The following LYPLAL1 variants were observed in gnomAD, a reference collection of about 807,000 sequenced individuals.
The protein encoded by LYPLAL1 is lysophospholipase-like protein 1.
A neutral mutation model predicts 19.7 loss-of-function variants in LYPLAL1; 23 were observed. That is an observed-to-expected ratio of 1.17 (90% CI 0.84 to 1.65). The LOEUF is 1.65. Among genes scored for constraint, LYPLAL1 ranks in the 40% most tolerant of loss-of-function variants. The pLI is 0.00. For synonymous variants in LYPLAL1, 119 were observed against 96.3 expected, an observed-to-expected ratio of 1.24 and a Z score of -1.38; for missense variants, 355 against 279.4, an observed-to-expected ratio of 1.27 and a Z score of -1.93.
At chr1:219,391,372 A>G in the LYPLAL1 span, among the ~76,000 whole-genome samples, 1 of 152,236 alleles carries the variant, frequency 6.6e-6, no homozygotes, top group Admixed American at 6.5e-5. Context: ...GGGGACCATC[A>G]TAAAAAGTTA....
chr1:219,257,720 G>A, the LYPLAL1 span, among the ~76,000 whole-genome samples: 1 of 151,856 alleles, frequency 6.6e-6, no homozygotes, highest in Admixed American at 6.6e-5. Flanking sequence ...TACTGATGAG[G>A]GTCTGTGTTC....
At chr1:219,175,357 G>C (rs887183693) in intron 1 of LYPLAL1, among the ~76,000 whole-genome samples, 1 of 152,138 alleles carries the variant, frequency 6.6e-6, no homozygotes, top group African/African-American at 2.4e-5. Flanking sequence ...GATGACAGCG[G>C]TACTTAATAA....
the LYPLAL1 span, among the ~76,000 whole-genome samples, chr1:219,346,460 ATTTTTTTTT>A: frequency 1.5e-5 from 2 of 136,308 alleles, no homozygotes; most frequent in Non-Finnish European, 3.2e-5. Flanking sequence ...GTCAATTTCT[ATTTTTTTTT>A]TTTTTTTTCA....
chr1:219,230,270 G>T, the LYPLAL1 span, among the ~76,000 whole-genome samples: 2 of 151,992 alleles, frequency 1.3e-5, no homozygotes, highest in East Asian at 1.9e-4. Context: ...CTGCTACCAC[G>T]CCCGGCTAAT....
intron 3 of LYPLAL1, among the ~76,000 whole-genome samples, chr1:219,209,202 T>G (rs1241390148): frequency 6.6e-6 from 1 of 152,130 alleles, no homozygotes; most frequent in African/African-American, 2.4e-5. Context: ...CTTGCTGGTA[T>G]GTTGAAAATC....
chr1:219,346,953 C>A, the LYPLAL1 span, among the ~76,000 whole-genome samples: 2 of 152,146 alleles, frequency 1.3e-5, no homozygotes, highest in Non-Finnish European at 2.9e-5. Context: ...TATTTTGTTT[C>A]TTTTATTTGA....
the LYPLAL1 span, among the ~76,000 whole-genome samples, chr1:219,226,664 A>T: frequency 2.0e-5 from 3 of 152,172 alleles, no homozygotes; most frequent in Non-Finnish European, 4.4e-5. Context: ...CAACTCTAAC[A>T]TGCATGCTGT....
At chr1:219,434,730 G>C in the LYPLAL1 span, among the ~76,000 whole-genome samples, 3 of 152,190 alleles carry the variant, frequency 2.0e-5, no homozygotes, top group Non-Finnish European at 4.4e-5. Context: ...ACCATGCGTT[G>C]ACTGACAAGT....
At chr1:219,195,372 G>A (rs1047516511) in intron 3 of LYPLAL1, among the ~76,000 whole-genome samples, 1 of 151,984 alleles carries the variant, frequency 6.6e-6, no homozygotes, top group Admixed American at 6.6e-5. Flanking sequence ...AAAGTCTGAA[G>A]TGGTGTGGTG....
At chr1:219,392,380 G>A in the LYPLAL1 span, among the ~76,000 whole-genome samples, 222 of 152,256 alleles carry the variant, frequency 1.5e-3, 1 homozygote, top group African/African-American at 5.1e-3. Flanking sequence ...CTCCTCATTT[G>A]TTTGTATATT....
At chr1:219,352,533 A>AAATG in the LYPLAL1 span, among the ~76,000 whole-genome samples, 9 of 152,276 alleles carry the variant, frequency 5.9e-5, no homozygotes, top group South Asian at 1.9e-3. Flanking sequence ...ATAAATAAAT[A>AAATG]AATAAATAAA....
chr1:219,426,112 A>G, the LYPLAL1 span, among the ~76,000 whole-genome samples: 1 of 152,214 alleles, frequency 6.6e-6, no homozygotes, highest in African/African-American at 2.4e-5. Context: ...AGTCTTATAA[A>G]TGAGTGTGTA....
intron 3 of LYPLAL1, among the ~76,000 whole-genome samples, chr1:219,202,416 C>T (rs1238901264): frequency 6.6e-6 from 1 of 152,172 alleles, no homozygotes; most frequent in African/African-American, 2.4e-5. Context: ...ACTTTTTCCT[C>T]AGTGGTATAT....
the LYPLAL1 span, among the ~76,000 whole-genome samples, chr1:219,443,363 C>A: frequency 6.6e-5 from 10 of 152,282 alleles, no homozygotes; most frequent in East Asian, 1.9e-3. Context: ...CCAATCATAA[C>A]CTCTAATGCA....
the LYPLAL1 span, among the ~76,000 whole-genome samples, chr1:219,261,300 A>G: frequency 6.6e-6 from 1 of 152,106 alleles, no homozygotes; most frequent in Non-Finnish European, 1.5e-5. Flanking sequence ...CCTGTGTATG[A>G]TTCTTCACCA....
chr1:219,220,311 A>T, the LYPLAL1 span, among the ~76,000 whole-genome samples: 3 of 152,168 alleles, frequency 2.0e-5, no homozygotes, highest in Non-Finnish European at 4.4e-5. Flanking sequence ...CAACAAGTAA[A>T]TCCATATCTG....
At chr1:219,425,968 C>T in the LYPLAL1 span, among the ~76,000 whole-genome samples, 4 of 152,178 alleles carry the variant, frequency 2.6e-5, no homozygotes, top group Non-Finnish European at 1.5e-5. Context: ...TTTTTCTCCT[C>T]GCTGTTGTTC....
the LYPLAL1 span, chr1:219,442,788 G>A: frequency 3.9e-5 from 6 of 152,262 alleles, no homozygotes; most frequent in African/African-American, 1.4e-4. Flanking sequence ...GCCAGTCCAC[G>A]TGGTAATTTT....
At chr1:219,251,040 A>G in the LYPLAL1 span, among the ~76,000 whole-genome samples, 1 of 151,900 alleles carries the variant, frequency 6.6e-6, no homozygotes, top group Admixed American at 6.6e-5. Flanking sequence ...TTTGATTTTC[A>G]TTTCTCTAAT....
Sources: allele counts gnomAD v4.1 joint callset (sites outside exome capture counted in the v4.1 genomes callset), GRCh38; gene constraint gnomAD v4.1.1; transcripts MANE v1.5; gene names NCBI Gene and HGNC (gene_info 2026-07-23, HGNC 2026-07-21).